LRRC9: variants seen among roughly 807,000 people sequenced by gnomAD.
LRRC9 encodes the protein leucine rich repeat containing 9.
In LRRC9, 122 loss-of-function variants were observed where a neutral mutation model predicts 63.2. The ratio of observed to expected loss-of-function variants is 1.93; its 90% CI spans 1.67 to 2.24. LRRC9 has a LOEUF of 2.24. Ranked by LOEUF, LRRC9 falls within the 30% of genes most tolerant of loss-of-function variation. LRRC9 has a pLI of 0.00. For missense variants in LRRC9, 1,071 were observed against 627.7 expected (o/e 1.71, Z -7.55); for synonymous variants, 366 against 213.1 (o/e 1.72, Z -6.25).
At position 59,938,480 on chromosome 14, in the gene LRRC9, A is replaced by G; in HGVS notation, c.634A>G (p.Asn212Asp). Reference sequence around the variant, plus strand: ...AACCAATCCAGTTTGTCTTCTGTGTAATTATTCCACACATGTATTATATCA... The same window carrying G: ...AACCAATCCAGTTTGTCTTCTGTGTGATTATTCCACACATGTATTATATCA... The change falls in exon 7 of 32, where the codon AAT (asparagine) becomes GAT (aspartate). Residue 212 changes from asparagine to aspartate, a missense_variant. Transcript: ENST00000445360. This position sits in a 1 kb window ranked among gnomAD's most constrained non-coding sequence, Gnocchi z 4.2. 3 of 698,474 alleles carry G rather than the reference A, an allele frequency of 4.3e-6. No individual in the cohort carries two copies. Among genetic ancestry groups the G allele is most frequent in the Non-Finnish European group, 7.8e-6 (3 of 382,950 alleles). 43.3% of individuals were successfully genotyped at this position (698,474 alleles called of 1,614,324 possible).
chr14:59,975,916 G>A (rs896391114), intron 13 of LRRC9, among the ~76,000 whole-genome samples: 3 of 152,168 alleles, frequency 2.0e-5, no homozygotes, highest in Non-Finnish European at 4.4e-5. Context: ...CACAGCAGGA[G>A]GTGAGCAGGG....
intron 8 of LRRC9, among the ~76,000 whole-genome samples, chr14:59,951,750 C>A (rs1157852371): frequency 6.6e-6 from 1 of 151,732 alleles, no homozygotes; most frequent in Non-Finnish European, 1.5e-5. Flanking sequence ...TGTTGGAATA[C>A]CCTGCTGTGT....
At position 59,922,031 on chromosome 14, in the gene LRRC9, C is replaced by T. The variant is rs1888826230; in HGVS notation, c.-34+2148C>T. 6.6e-6 allele frequency among the ~76,000 whole-genome samples: 1 copy of T among 151,538 alleles called. No homozygotes were observed. Among genetic ancestry groups the T allele is most frequent in the Admixed American group, 6.6e-5 (1 of 15,218 alleles). On this transcript the variant is annotated intron_variant, in intron 1 of 31. Coordinates refer to ENST00000445360, the Ensembl canonical transcript of LRRC9. This position sits in a 1 kb window ranked among gnomAD's most constrained non-coding sequence, Gnocchi z 5.3. Reference sequence around the variant, plus strand: ...CCTGGGAGGCAGAGGTTGGAGTGAGCCCAGATTGTGCCACTGCAGTCAAGC... The same window carrying T: ...CCTGGGAGGCAGAGGTTGGAGTGAGTCCAGATTGTGCCACTGCAGTCAAGC...
Position 59,927,682 on chromosome 14 carries a change from TACTGAC to T in LRRC9, c.-33-227_-33-222del, listed in dbSNP as rs1261881716. Among the ~76,000 whole-genome samples the T allele has an allele frequency of 6.6e-6, 1 of 151,904 alleles. No individual in the cohort carries two copies. The highest frequency in any genetic ancestry group is 1.5e-5 in the Non-Finnish European group (1 of 67,866). Reference sequence around the variant, plus strand: ...GAAAAAAAGTTATACCGAGGAGGTATACTGACAACAAAAGGGAAGGAATTATGGAGA... The same window carrying T: ...GAAAAAAAGTTATACCGAGGAGGTATAACAAAAGGGAAGGAATTATGGAGA... On this transcript the variant is annotated intron_variant, in intron 1 of 31. Transcript: ENST00000445360. The surrounding 1 kb of genome is among the most constrained non-coding windows in gnomAD (Gnocchi z 4.4).
rs757380359 is a variant in LRRC9 at position 59,986,433 on chromosome 14, A to G, written c.2211+1209A>G. The stretch of plus-strand genomic sequence containing the variant: ...GGAGCTGTTTCTTTTACTTATTGGC[A>G]TTAGGTTTAGATTTAGTGTTAAACT... On this transcript the variant is annotated intron_variant, in intron 17 of 31. Coordinates refer to ENST00000445360, the Ensembl canonical transcript of LRRC9. The surrounding 1 kb of genome is among the most constrained non-coding windows in gnomAD (Gnocchi z 4.7). 9.2e-5 allele frequency among the ~76,000 whole-genome samples: 14 copies of G among 152,002 alleles called. No homozygotes were observed. Among genetic ancestry groups the G allele is most frequent in the Non-Finnish European group, 1.8e-4 (12 of 67,970 alleles).
At chr14:59,973,124 A>C (rs1424541711) in intron 12 of LRRC9, among the ~76,000 whole-genome samples, 2 of 152,044 alleles carry the variant, frequency 1.3e-5, no homozygotes, top group Non-Finnish European at 1.5e-5. Flanking sequence ...TCCTCTTAAA[A>C]TATAATTTCC....
chr14:60,039,894 T>G (rs1892793601), intron 29 of LRRC9, among the ~76,000 whole-genome samples: 1 of 152,080 alleles, frequency 6.6e-6, no homozygotes, highest in Admixed American at 6.6e-5. Context: ...TTCTCCTGTG[T>G]ACATTTAGTG....
intron 10 of LRRC9, among the ~76,000 whole-genome samples, chr14:59,963,779 T>G (rs1884574407): frequency 6.6e-6 from 1 of 152,206 alleles, no homozygotes; most frequent in African/African-American, 2.4e-5. Context: ...AGGAGCTACA[T>G]AAGCAGAAAC....
chr14:59,942,677 G>T lies in LRRC9; in HGVS notation c.727-1912G>T, dbSNP rs563193500. On this transcript the variant is annotated intron_variant, in intron 7 of 31. Coordinates refer to ENST00000445360, the Ensembl canonical transcript of LRRC9. This position sits in a 1 kb window ranked among gnomAD's most constrained non-coding sequence, Gnocchi z 5.3. ...CAGAAGGCAGAAGTTGCGGTGAGCC[G>T]ATATCACACCACTGCACTTCAGCCT... 6.6e-6 allele frequency among the ~76,000 whole-genome samples: 1 copy of T among 152,160 alleles called. No homozygotes were observed. Among genetic ancestry groups the T allele is most frequent in the South Asian group, 2.1e-4 (1 of 4,820 alleles).
intron 12 of LRRC9, among the ~76,000 whole-genome samples, chr14:59,971,358 T>C (rs938950166): frequency 1.2e-4 from 19 of 152,284 alleles, no homozygotes; most frequent in African/African-American, 4.3e-4. Flanking sequence ...TGAAGTTGGA[T>C]AGTTTGATGC....
At chr14:59,935,976 G>T (rs746543299) in intron 6 of LRRC9, among the ~76,000 whole-genome samples, 1 of 152,190 alleles carries the variant, frequency 6.6e-6, no homozygotes, top group Non-Finnish European at 1.5e-5. Flanking sequence ...GCACCCTTAT[G>T]GTGGTTATAA....
At chr14:60,030,633 GCAA>G (rs1028508002) in intron 28 of LRRC9, among the ~76,000 whole-genome samples, 4 of 151,978 alleles carry the variant, frequency 2.6e-5, no homozygotes, top group African/African-American at 9.7e-5. Context: ...TGCTGACATT[GCAA>G]CAACCATTGG....
rs372594984 is a variant in LRRC9 at position 59,921,174 on chromosome 14, AG to A, written c.-34+1292del. Reference sequence around the variant, plus strand: ...AGGGAGAGGAAACAGCCCATGCCAAAGTACAGAAACATCCATTCAGTTCCAG... The same window carrying A: ...AGGGAGAGGAAACAGCCCATGCCAAATACAGAAACATCCATTCAGTTCCAG... On this transcript the variant is annotated intron_variant, in intron 1 of 31. Transcript: ENST00000445360. 5.1e-3 allele frequency among the ~76,000 whole-genome samples: 773 copies of A among 152,226 alleles called. 14 individuals carry two copies. Among genetic ancestry groups the A allele is most frequent in the African/African-American group, 0.018 (730 of 41,550 alleles).
At chr14:60,040,718 G>T (rs1309096205) in intron 29 of LRRC9, among the ~76,000 whole-genome samples, 1 of 151,822 alleles carries the variant, frequency 6.6e-6, no homozygotes, top group Non-Finnish European at 1.5e-5. Context: ...TATCCAATTT[G>T]CCAGTCTGTG....
intron 7 of LRRC9, among the ~76,000 whole-genome samples, chr14:59,940,416 A>G (rs1881635884): frequency 6.6e-6 from 1 of 152,126 alleles, no homozygotes. Flanking sequence ...ACAGAGTGCT[A>G]TTGATTCTTC....
intron 8 of LRRC9, 143 bp from the exon 9 acceptor site, chr14:59,959,675 T>C (rs866269302): frequency 8.3e-5 from 39 of 469,856 alleles, no homozygotes. Flanking sequence ...ACATCTGGCC[T>C]GTTTATTACC....
chr14:60,006,109 A>T (rs1461811575), intron 21 of LRRC9, among the ~76,000 whole-genome samples: 1 of 152,152 alleles, frequency 6.6e-6, no homozygotes, highest in East Asian at 1.9e-4. Context: ...TTTTAAGGTT[A>T]TTTGAAAGAG....
rs139420383 is a variant in LRRC9, at chr14:59,971,317, C to T, written c.1507-3259C>T. 5.1e-3 allele frequency among the ~76,000 whole-genome samples: 777 copies of T among 152,010 alleles called. 14 individuals carry two copies. Among genetic ancestry groups the T allele is most frequent in the African/African-American group, 0.018 (732 of 41,504 alleles). ...GTCTGTTTTTGTGCCAGTACCATGCCGTTTTCTTACTGTAGACCTGTAGTG... is the reference window on the plus strand; with the variant it reads ...GTCTGTTTTTGTGCCAGTACCATGCTGTTTTCTTACTGTAGACCTGTAGTG... On this transcript the variant is annotated intron_variant, in intron 12 of 31. Transcript: ENST00000445360.
chr14:60,012,005 G>T (rs1253590492), intron 23 of LRRC9, among the ~76,000 whole-genome samples: 1 of 152,126 alleles, frequency 6.6e-6, no homozygotes, highest in Non-Finnish European at 1.5e-5. Flanking sequence ...AAGACCAAAA[G>T]CATATGCAAT....
Sources: allele counts gnomAD v4.1 joint callset (sites outside exome capture counted in the v4.1 genomes callset), GRCh38; gene constraint gnomAD v4.1.1; non-coding constraint Gnocchi (gnomAD v3.1); transcripts MANE v1.5; gene names NCBI Gene and HGNC (gene_info 2026-07-23, HGNC 2026-07-21).